The following POTEF variants were observed in gnomAD, a reference collection of about 807,000 sequenced individuals.
The protein encoded by POTEF is POTE ankyrin domain family member F, also known as ANKRD26-like family C member 1B.
In POTEF, 20 loss-of-function variants were observed where a neutral mutation model predicts 83.2. That is an observed-to-expected ratio of 0.24 (90% CI 0.17 to 0.35). The LOEUF (loss-of-function observed/expected upper bound fraction) is 0.35, where lower values mean the gene tolerates loss of function less well. Among genes scored for constraint, POTEF ranks in the 10% least tolerant of loss-of-function variants. POTEF has a pLI of 1.00. For missense variants in POTEF, 550 were observed against 1,203.2 expected (o/e 0.46, Z 8.03); for synonymous variants, 196 against 446.4 (o/e 0.44, Z 7.07).
Position 130,115,015 on chromosome 2 carries a change from G to C in POTEF, c.676C>G (p.Leu226Val). 6.4e-7 allele frequency: 1 copy of C among 1,557,414 alleles called. No individual in the cohort carries two copies. The highest frequency in any genetic ancestry group is 8.7e-7 in the Non-Finnish European group (1 of 1,152,650). The change falls in exon 5 of 17, where the codon CTG becomes GTG. Residue 226 changes from leucine to valine, a missense_variant. Transcript: ENST00000409914. ...CQEDECALMLLEHGTDPNIPD... is the reference protein window; with the variant it reads ...CQEDECALMLVEHGTDPNIPD... ...ATATTTGGATCAGTGCCATGTTCCA[G>C]CAACATTAACGCACATTCATCTTCC...
chr2:130,103,791 G>A (rs981586122), intron 8 of POTEF, among the ~76,000 whole-genome samples: 1 of 142,190 alleles, frequency 7.0e-6, no homozygotes, highest in Non-Finnish European at 1.5e-5. Context: ...AAGGGTGACG[G>A]CATGCCACGC....
chr2:130,118,233 C>A (rs1191905573), intron 3 of POTEF, among the ~76,000 whole-genome samples: 1 of 151,926 alleles, frequency 6.6e-6, no homozygotes, highest in Non-Finnish European at 1.5e-5. Flanking sequence ...AGCCACTGTA[C>A]CCGGCCTTTC....
intron 8 of POTEF, chr2:130,106,337 T>TA: frequency 6.7e-6 from 1 of 148,400 alleles, no homozygotes; most frequent in South Asian, 2.1e-4. Flanking sequence ...AAGTCTATCA[T>TA]AAACTTGCCT....
chr2:130,075,317 C>T lies in POTEF; in HGVS notation c.2155G>A (p.Ala719Thr), dbSNP rs1335449043. 6.2e-7 allele frequency: 1 copy of T among 1,612,690 alleles called. No individual in the cohort carries two copies. ...GGGGCATCGTCGCCCGCAAAGCCGG[C>T]CTTGCACATGCCAGAGCCGTTGTCA... Reference protein sequence around the residue: ...VIDNGSGMCKAGFAGDDAPRA... With the variant: ...VIDNGSGMCKTGFAGDDAPRA... Residue 719 changes from alanine (A) to threonine (T), a missense_variant, in exon 17 of 17, where the codon GCC becomes ACC. Coordinates refer to ENST00000409914, the MANE Select transcript of POTEF (RefSeq NM_001099771.2).
chr2:130,122,719 A>C (rs1685024910), intron 2 of POTEF, among the ~76,000 whole-genome samples: 1 of 150,974 alleles, frequency 6.6e-6, no homozygotes, highest in African/African-American at 2.5e-5. Context: ...ATGTGCTATA[A>C]TTTTCAGTAT....
chr2:130,127,209 C>A (rs2104714551), intron 2 of POTEF, among the ~76,000 whole-genome samples: 1 of 150,674 alleles, frequency 6.6e-6, no homozygotes, highest in Non-Finnish European at 1.5e-5. Context: ...CCTGTAGTCC[C>A]AGCTACTAGG....
At chr2:130,092,988 G>C (rs1256100749) in intron 12 of POTEF, among the ~76,000 whole-genome samples, 2 of 134,904 alleles carry the variant, frequency 1.5e-5, no homozygotes, top group East Asian at 2.3e-4. Context: ...AGCTTCATCT[G>C]TATTTACAGC....
chr2:130,114,719 G>A (rs947829045), intron 5 of POTEF, among the ~76,000 whole-genome samples, 162 bp downstream of exon 5: 5 of 151,524 alleles, frequency 3.3e-5, no homozygotes, highest in African/African-American at 1.2e-4. Context: ...TTCTTTGAAA[G>A]TAACAATATT....
At chr2:130,117,838 TTTGA>T (rs1239179463) in intron 3 of POTEF, among the ~76,000 whole-genome samples, 1 of 152,090 alleles carries the variant, frequency 6.6e-6, no homozygotes, top group Non-Finnish European at 1.5e-5. Flanking sequence ...AAAGTGTTTG[TTTGA>T]AAAGCTGTAG....
At chr2:130,128,315 G>T (rs1460858205) in intron 1 of POTEF, among the ~76,000 whole-genome samples, 1 of 151,850 alleles carries the variant, frequency 6.6e-6, no homozygotes, top group Non-Finnish European at 1.5e-5. Flanking sequence ...TGGGGGCCCT[G>T]CCCTGCTCAA....
intron 3 of POTEF, among the ~76,000 whole-genome samples, chr2:130,117,618 G>A (rs1478190511): frequency 1.3e-5 from 2 of 151,790 alleles, no homozygotes; most frequent in African/African-American, 2.4e-5. Flanking sequence ...ACATATCTCT[G>A]TATCTACTGA....
chr2:130,120,455 T>G lies in POTEF; in HGVS notation c.61A>C (p.Arg21=), dbSNP rs1318916275. The G allele has an allele frequency of 3.1e-6, 5 of 1,613,622 alleles. No homozygotes were observed. The highest frequency in any genetic ancestry group is 3.4e-6 in the Non-Finnish European group (4 of 1,179,858). ...CAGCACCACTTGCCCATCTTGCTCC[T>G]GAGACCAAATGGCTTCTTCACAGAA... ...ASSVKKPFGL[R]SKMGKWCCRC... is the part of the protein sequence containing the mutation. Residue 21 remains arginine, a synonymous_variant, in exon 3 of 17, where the codon AGG becomes CGG. Transcript: ENST00000409914.
intron 3 of POTEF, among the ~76,000 whole-genome samples, chr2:130,115,542 C>T (rs1322528331): frequency 6.6e-6 from 1 of 152,076 alleles, no homozygotes; most frequent in Non-Finnish European, 1.5e-5. Context: ...GAGCATAGCC[C>T]TTGGATGACA....
chr2:130,108,377 T>C (rs1329322062), intron 7 of POTEF, among the ~76,000 whole-genome samples: 1 of 152,058 alleles, frequency 6.6e-6, no homozygotes, highest in Middle Eastern at 3.2e-3. Context: ...AGCTCCATAA[T>C]GAACAGCTAT....
chr2:130,117,946 CT>C (rs1259352332), intron 3 of POTEF, among the ~76,000 whole-genome samples: 17 of 40,056 alleles, frequency 4.2e-4, no homozygotes, highest in Admixed American at 7.5e-4. Flanking sequence ...TTTTTTTTTT[CT>C]TTTTTTTTTT....
At chr2:130,120,747 C>T in intron 2 of POTEF, 139 bp from the exon 3 acceptor site, 2 of 848,614 alleles carry the variant, frequency 2.4e-6, no homozygotes, top group Non-Finnish European at 3.6e-6. Flanking sequence ...CCACGCCCAC[C>T]CCAGAAAGGG....
chr2:130,121,226 C>G (rs1684996881), intron 2 of POTEF, among the ~76,000 whole-genome samples: 1 of 148,256 alleles, frequency 6.7e-6, no homozygotes. Context: ...CTTGGCGCCA[C>G]GAATGTCACT....
At chr2:130,118,270 C>G (rs1263447335) in intron 3 of POTEF, among the ~76,000 whole-genome samples, 4 of 151,722 alleles carry the variant, frequency 2.6e-5, no homozygotes, top group Non-Finnish European at 5.9e-5. Context: ...AAATAGAAAA[C>G]AGTATTTCAT....
rs1433437210 is a variant in POTEF, at chr2:130,119,534, C to T, written c.521+461G>A. The stretch of plus-strand genomic sequence containing the variant: ...ACCATCTTCCCATTTCAGTTTCCTT[C>T]TAAGGTTCCTCAGTAAAGAACATAT... On this transcript the variant is annotated intron_variant, in intron 3 of 16. Transcript: ENST00000409914. 2.0e-5 allele frequency among the ~76,000 whole-genome samples: 3 copies of T among 150,732 alleles called. No homozygotes were observed. The East Asian group carries it at 5.9e-4, about 30-fold the overall frequency.
Sources: gnomAD v4.1 joint callset for allele counts (sites outside exome capture counted in the v4.1 genomes callset) on GRCh38, gnomAD v4.1.1 for gene constraint, MANE v1.5 for transcripts, NCBI Gene and HGNC (gene_info 2026-07-23, HGNC 2026-07-21) for gene names.